Variants in PDE3A observed in about 807,000 individuals in gnomAD.
The protein encoded by PDE3A is phosphodiesterase 3A, also known as cGMP-inhibited 3',5'-cyclic phosphodiesterase 3A.
PDE3A carries 43 observed loss-of-function variants against 98.3 expected under a neutral mutation model. The ratio of observed to expected loss-of-function variants is 0.44; its 90% confidence interval spans 0.34 to 0.56. The LOEUF (loss-of-function observed/expected upper bound fraction) is 0.56, where lower values mean the gene tolerates loss of function less well. Among genes scored for constraint, PDE3A ranks in the 20% least tolerant of loss-of-function variants. The pLI, the probability that PDE3A is intolerant of heterozygous loss-of-function variation, is 0.01. For missense variants in PDE3A, 1,427 were observed against 1,440.7 expected (o/e 0.99, Z 0.15); for synonymous variants, 663 against 567.9 (o/e 1.17, Z -2.38).
chr12:20,450,084 G>A, intron 1 of PDE3A: 1 of 550,832 alleles, frequency 1.8e-6, no homozygotes. Flanking sequence ...GCCTTCTGCT[G>A]GTGCCGTCTT....
chr12:20,408,454 T>C (rs745491872), intron 1 of PDE3A, among the ~76,000 whole-genome samples: 2 of 152,200 alleles, frequency 1.3e-5, no homozygotes, highest in Non-Finnish European at 2.9e-5. Context: ...TTTGGCTCTG[T>C]TAATGATAGA....
intron 1 of PDE3A, among the ~76,000 whole-genome samples, chr12:20,475,614 C>T (rs12581812): frequency 0.27 from 40,935 of 151,832 alleles, 7,160 homozygotes; most frequent in East Asian, 0.67. Context: ...CCTGTGGTCC[C>T]AGCTACTCGA....
intron 1 of PDE3A, among the ~76,000 whole-genome samples, chr12:20,521,270 T>A (rs1447937972): frequency 6.6e-6 from 1 of 152,022 alleles, no homozygotes; most frequent in Non-Finnish European, 1.5e-5. Flanking sequence ...AGCCAGGAAC[T>A]TCTACACAAT....
intron 1 of PDE3A, among the ~76,000 whole-genome samples, chr12:20,528,590 T>TA (rs1466063767): frequency 5.9e-5 from 9 of 152,206 alleles, no homozygotes; most frequent in Admixed American, 5.9e-4. Flanking sequence ...TCCTAGTACT[T>TA]ACTGCATCTA....
chr12:20,669,560 A>G, intron 15 of PDE3A, among the ~76,000 whole-genome samples: 1 of 152,224 alleles, frequency 6.6e-6, no homozygotes. Context: ...TTCTTAAAGA[A>G]AAGAATTTCC....
intron 2 of PDE3A, among the ~76,000 whole-genome samples, chr12:20,584,988 TACGTTAGA>T (rs1427334921): frequency 1.3e-5 from 2 of 152,162 alleles, no homozygotes; most frequent in Non-Finnish European, 2.9e-5. Context: ...CTATAGAAAA[TACGTTAGA>T]ACTTTTTGCT....
intron 1 of PDE3A, among the ~76,000 whole-genome samples, chr12:20,431,101 C>T (rs913546567): frequency 1.3e-5 from 2 of 152,028 alleles, no homozygotes; most frequent in Admixed American, 6.6e-5. Context: ...ATATTATCTG[C>T]CCGTCTTTAT....
chr12:20,520,358 C>T (rs530301164), intron 1 of PDE3A, among the ~76,000 whole-genome samples: 1 of 152,090 alleles, frequency 6.6e-6, no homozygotes, highest in Non-Finnish European at 1.5e-5. Flanking sequence ...GCATATTTAG[C>T]TAATTATTTG....
intron 1 of PDE3A, among the ~76,000 whole-genome samples, chr12:20,548,682 T>C (rs567294186): frequency 2.3e-4 from 35 of 152,256 alleles, no homozygotes; most frequent in Non-Finnish European, 4.0e-4. Flanking sequence ...TCATTTCTCT[T>C]GAAAGTTTAG....
intron 1 of PDE3A, among the ~76,000 whole-genome samples, chr12:20,493,868 G>A (rs1398408775): frequency 6.6e-6 from 1 of 152,190 alleles, no homozygotes; most frequent in Non-Finnish European, 1.5e-5. Flanking sequence ...GACCTCAGGT[G>A]ATCCGCCTGC....
chr12:20,491,978 T>A (rs974281700), intron 1 of PDE3A, among the ~76,000 whole-genome samples: 1 of 143,418 alleles, frequency 7.0e-6, no homozygotes, highest in Non-Finnish European at 1.6e-5. Flanking sequence ...GACGATAATT[T>A]AGTACAGAGA....
chr12:20,636,235 G>C (rs192525755), intron 8 of PDE3A, among the ~76,000 whole-genome samples: 1 of 152,288 alleles, frequency 6.6e-6, no homozygotes, highest in Admixed American at 6.5e-5. Flanking sequence ...CATTTAAGGA[G>C]GATGGAAGCA....
Position 20,487,682 on chromosome 12 carries a change from T to A in PDE3A, c.961-68978T>A, listed in dbSNP as rs557810564. Among the ~76,000 whole-genome samples the A allele has an allele frequency of 2.7e-5, 4 of 150,770 alleles. 1 individual carries two copies. The highest frequency in any genetic ancestry group is 9.8e-5 in the African/African-American group (4 of 41,008). Reference sequence around the variant, plus strand: ...AAAAAAAATAAATAAATAAAAAAAGTGGTCAGTTTCTACAAGGCAATATTC... The same window carrying A: ...AAAAAAAATAAATAAATAAAAAAAGAGGTCAGTTTCTACAAGGCAATATTC... On this transcript the variant is annotated intron_variant, in intron 1 of 15. Transcript: ENST00000359062.
chr12:20,667,893 G>T (rs1381043426), intron 15 of PDE3A, among the ~76,000 whole-genome samples: 2 of 152,202 alleles, frequency 1.3e-5, no homozygotes, highest in Non-Finnish European at 2.9e-5. Flanking sequence ...TCCCAGCGTG[G>T]TGGATGCAGA....
At chr12:20,456,382 A>C (rs186825159) in intron 1 of PDE3A, among the ~76,000 whole-genome samples, 2 of 152,240 alleles carry the variant, frequency 1.3e-5, no homozygotes, top group African/African-American at 4.8e-5. Context: ...ATCTGGGGAG[A>C]ATTTAATAAA....
chr12:20,476,564 G>C (rs1403020497), intron 1 of PDE3A, among the ~76,000 whole-genome samples: 2 of 152,150 alleles, frequency 1.3e-5, no homozygotes, highest in African/African-American at 4.8e-5. Flanking sequence ...AGTGTGTCTT[G>C]ATTATTGCCT....
At position 20,402,624 on chromosome 12, in the gene PDE3A, A is replaced by G. The variant is rs1944153581; in HGVS notation, c.960+32380A>G. On this transcript the variant is annotated intron_variant, in intron 1 of 15. Transcript: ENST00000359062. ...GAAAAATATTATATTGAATGTATAGAAGACAACTATGAATATAAATTTATT... is the reference window on the plus strand; with the variant it reads ...GAAAAATATTATATTGAATGTATAGGAGACAACTATGAATATAAATTTATT... Among the ~76,000 whole-genome samples, 4 of 152,350 alleles carry G rather than the reference A, an allele frequency of 2.6e-5. No homozygotes were observed. The South Asian group carries it at 8.3e-4, about 32-fold the overall frequency.
Position 20,369,582 on chromosome 12 carries a change from G to C in PDE3A, c.298G>C (p.Glu100Gln). 2 of 1,557,798 alleles carry C rather than the reference G, an allele frequency of 1.3e-6. No individual in the cohort carries two copies. The highest frequency in any genetic ancestry group is 1.7e-6 in the Non-Finnish European group (2 of 1,152,368). Residue 100 changes from glutamate (E) to glutamine (Q), a missense_variant, in exon 1 of 16, where the codon GAG becomes CAG. By Grantham distance (29) the Glu-to-Gln change is conservative. This residue lies in a region of PDE3A where 1,012 missense variants were observed against 886.5 expected (regional missense o/e 1.14). Coordinates refer to ENST00000359062, the MANE Select transcript of PDE3A (RefSeq NM_000921.5). Reference sequence around the variant, plus strand: ...GTGTAAGGAGGCGGCGGCGGCGGAGGAGGAGGAAGCAGCCCCGGGAGCAGA... The same window carrying C: ...GTGTAAGGAGGCGGCGGCGGCGGAGCAGGAGGAAGCAGCCCCGGGAGCAGA... ...EQCKEAAAAE[E>Q]EEAAPGAEGG... is the part of the protein sequence containing the mutation.
intron 1 of PDE3A, among the ~76,000 whole-genome samples, chr12:20,497,227 T>C (rs1026684337): frequency 3.9e-5 from 6 of 152,152 alleles, no homozygotes; most frequent in African/African-American, 1.4e-4. Flanking sequence ...ACTGATTAAG[T>C]ACTTTATAGT....
Sources: gnomAD v4.1 joint callset for allele counts (sites outside exome capture counted in the v4.1 genomes callset) on GRCh38, gnomAD v4.1.1 for gene constraint, gnomAD v4.1.1 regional missense constraint, MANE v1.5 for transcripts, NCBI Gene and HGNC (gene_info 2026-07-23, HGNC 2026-07-21) for gene names.